Variants in IL18 observed in about 807,000 individuals in gnomAD.
IL18 encodes interleukin-18.
A neutral mutation model predicts 14.2 loss-of-function variants in IL18; 8 were observed. The ratio of observed to expected loss-of-function variants is 0.56; its 90% CI spans 0.33 to 1.01. The LOEUF is 1.01. IL18 is among the 50% of genes least tolerant of loss of function. The probability of loss-of-function intolerance (pLI) is 0.03; values close to 1 mark genes in which losing one functional copy is unlikely to be tolerated. For synonymous variants in IL18, 67 were observed against 71.0 expected, an observed-to-expected ratio of 0.94 and a Z score of 0.28; for missense variants, 166 against 231.1, an observed-to-expected ratio of 0.72 and a Z score of 1.83.
chr11:112,156,307 C>T (rs1029907031), intron 1 of IL18, among the ~76,000 whole-genome samples: 27 of 152,248 alleles, frequency 1.8e-4, no homozygotes, highest in African/African-American at 6.5e-4. Flanking sequence ...TAATTTTGGC[C>T]TCCCAAAGTG....
At chr11:112,149,251 C>G (rs1236828336) in intron 4 of IL18, among the ~76,000 whole-genome samples, 5 of 151,956 alleles carry the variant, frequency 3.3e-5, no homozygotes, top group Non-Finnish European at 7.4e-5. Flanking sequence ...GAGATCACAC[C>G]ACTGCACTGC....
At chr11:112,162,085 G>T (rs1190263555) in intron 1 of IL18, among the ~76,000 whole-genome samples, 1 of 152,162 alleles carries the variant, frequency 6.6e-6, no homozygotes, top group East Asian at 1.9e-4. Flanking sequence ...TGTTGAAGAG[G>T]TGAGAGTAGC....
intron 1 of IL18, among the ~76,000 whole-genome samples, chr11:112,157,851 CCTTTT>C (rs1372963415): frequency 2.0e-5 from 3 of 152,012 alleles, no homozygotes; most frequent in African/African-American, 4.8e-5. Flanking sequence ...TTCAAGGTTA[CCTTTT>C]CTTTTCTTTT....
intron 1 of IL18, among the ~76,000 whole-genome samples, chr11:112,156,817 A>G (rs1210280068): frequency 6.6e-6 from 1 of 151,484 alleles, no homozygotes; most frequent in Non-Finnish European, 1.5e-5. Flanking sequence ...TAAAATTTAA[A>G]TATTTATCAA....
Position 112,143,578 on chromosome 11 carries a change from G to A in IL18, c.*18C>T, listed in dbSNP as rs768555860. 1.7e-5 allele frequency: 27 copies of A among 1,554,898 alleles called. No individual in the cohort carries two copies. Among genetic ancestry groups the A allele is most frequent in the South Asian group, 6.8e-5 (6 of 88,346 alleles). On this transcript the variant is annotated 3_prime_UTR_variant, in exon 6 of 6. Coordinates refer to ENST00000280357, the MANE Select transcript of IL18 (RefSeq NM_001562.4). ...ATTACAGGCGTGAGCCACTGCGCCC[G>A]GCATGAAATTTTAATAGCTAGTCTT... is the stretch of plus-strand genomic sequence containing the variant.
chr11:112,155,029 T>C lies in IL18; in HGVS notation c.25A>G (p.Asn9Asp). 1 of 1,612,766 alleles carries C rather than the reference T, an allele frequency of 6.2e-7. No homozygotes were observed. Among genetic ancestry groups the C allele is most frequent in the South Asian group, 1.1e-5 (1 of 91,050 alleles). The change falls in exon 2 of 6, where the codon AAT (asparagine) becomes GAT (aspartate). Residue 9 changes from asparagine (N) to aspartate (D), a missense_variant. Coordinates refer to ENST00000280357, the MANE Select transcript of IL18 (RefSeq NM_001562.4). ...TTCATTGCCACAAAGTTGATGCAAT[T>C]GTCTTCTACTGGTTCAGCAGCCATC... MAAEPVEDNCINFVAMKFI... is the reference protein window; with the variant it reads MAAEPVEDDCINFVAMKFI...
chr11:112,158,707 TAA>T (rs1422665248), intron 1 of IL18, among the ~76,000 whole-genome samples: 1 of 152,176 alleles, frequency 6.6e-6, no homozygotes, highest in African/African-American at 2.4e-5. Context: ...CTACCAAGTA[TAA>T]GAGACACTTG....
chr11:112,144,130 C>T (rs1196741994), intron 5 of IL18, among the ~76,000 whole-genome samples: 4 of 152,184 alleles, frequency 2.6e-5, no homozygotes, highest in Non-Finnish European at 5.9e-5. Context: ...CCAGCAAAGA[C>T]CACAAGCTTT....
chr11:112,162,501 A>T (rs1273434348), intron 1 of IL18, among the ~76,000 whole-genome samples: 1 of 151,970 alleles, frequency 6.6e-6, no homozygotes, highest in Admixed American at 6.6e-5. Flanking sequence ...ATACTACCAC[A>T]TCTGGCTAAT....
At position 112,163,244 on chromosome 11, in the gene IL18, G is replaced by C. The variant is rs906675701; in HGVS notation, c.-9+662C>G. Among the ~76,000 whole-genome samples, 7 of 152,202 alleles carry C rather than the reference G, an allele frequency of 4.6e-5. No individual in the cohort carries two copies. The South Asian group carries it at 1.4e-3, about 31-fold the overall frequency. On this transcript the variant is annotated intron_variant, in intron 1 of 5. Transcript: ENST00000280357. The stretch of plus-strand genomic sequence containing the variant: ...TCCAATTGTAGCCCAGTCCAAAGGT[G>C]TGGCAGATTTCACAAGATGACTAAC...
chr11:112,143,517 G>T lies in IL18; in HGVS notation c.*79C>A. 2.3e-6 allele frequency: 2 copies of T among 870,004 alleles called. No individual in the cohort carries two copies. Among genetic ancestry groups the T allele is most frequent in the South Asian group, 3.2e-5 (2 of 63,110 alleles). 53.9% of individuals were successfully genotyped at this position (870,004 alleles called of 1,614,324 possible). A position where few individuals can be genotyped will look rare whatever the true frequency, so the allele number is the denominator to read the frequency against. On this transcript the variant is annotated 3_prime_UTR_variant, in exon 6 of 6. Coordinates refer to ENST00000280357, the MANE Select transcript of IL18 (RefSeq NM_001562.4). Reference sequence around the variant, plus strand: ...GGCTGGTCTTGAACACCTGACCTCTGGTGATCTGCCCGCCTCAGCCTCCCA... The same window carrying T: ...GGCTGGTCTTGAACACCTGACCTCTTGTGATCTGCCCGCCTCAGCCTCCCA...
chr11:112,163,213 A>T (rs1339902132), intron 1 of IL18, among the ~76,000 whole-genome samples: 4 of 152,194 alleles, frequency 2.6e-5, no homozygotes, highest in Non-Finnish European at 5.9e-5. Context: ...GGGGAATGCT[A>T]TATTATCCAA....
Position 112,148,656 on chromosome 11 carries a change from TC to T in IL18, c.306del (p.Lys103SerfsTer20). ...QPRGMAVTIS[V>X]KCEKISTLSC... The stretch of plus-strand genomic sequence containing the variant: ...GAGAGAGTTGAAATTTTCTCACACT[TC>T]ACAGAGATAGTTACAGCCATACCTC... On this transcript the variant is annotated frameshift_variant, in exon 5 of 6. Transcript: ENST00000280357. LOFTEE classifies it high-confidence loss of function. 6.6e-7 allele frequency: 1 copy of T among 1,519,450 alleles called. No homozygotes were observed. Among genetic ancestry groups the T allele is most frequent in the Non-Finnish European group, 8.9e-7 (1 of 1,127,600 alleles). 94.1% of individuals were successfully genotyped at this position (1,519,450 alleles called of 1,614,324 possible).
chr11:112,157,373 G>A lies in IL18; in HGVS notation c.-8-2312C>T, dbSNP rs536492565. On this transcript the variant is annotated intron_variant, in intron 1 of 5. Coordinates refer to ENST00000280357, the MANE Select transcript of IL18 (RefSeq NM_001562.4). ...TTGAGTACATAGTTAGTCAATGAGT[G>A]AATGGATTTAGAGAAGGACAATATT... Among the ~76,000 whole-genome samples, 21 of 152,300 alleles carry A rather than the reference G, an allele frequency of 1.4e-4. No homozygotes were observed. In the East Asian group the frequency reaches 4.0e-3, roughly 29 times the overall value.
intron 5 of IL18, among the ~76,000 whole-genome samples, chr11:112,147,071 C>T (rs1038043009): frequency 1.3e-5 from 2 of 151,920 alleles, no homozygotes; most frequent in African/African-American, 4.8e-5. Flanking sequence ...GCTGGGATTA[C>T]AGGCATATGC....
chr11:112,150,278 A>G (rs199887794), intron 3 of IL18, 72 bp from the exon 4 acceptor site: 36 of 1,057,010 alleles, frequency 3.4e-5, no homozygotes, highest in Non-Finnish European at 4.6e-5. Flanking sequence ...TATGCTATAT[A>G]TTTTAGTTTT....
chr11:112,150,197 T>C lies in IL18; in HGVS notation c.101A>G (p.Glu34Gly). ...YFIAEDDENLESDYFGKLESK... is the reference protein window; with the variant it reads ...YFIAEDDENLGSDYFGKLESK... ...TTCAAGCTTGCCAAAGTAATCTGAT[T>C]CCAGGTTTTCTACAATAAACATTAA... is the stretch of plus-strand genomic sequence containing the variant. The change falls in exon 4 of 6, where the codon GAA (glutamate) becomes GGA (glycine). Residue 34 changes from glutamate (E) to glycine (G), a missense_variant. By Grantham distance (98) the Glu-to-Gly change is moderately conservative. Transcript: ENST00000280357. 1 of 1,549,914 alleles carries C rather than the reference T, an allele frequency of 6.5e-7. No individual in the cohort carries two copies. Among genetic ancestry groups the C allele is most frequent in the Non-Finnish European group, 8.9e-7 (1 of 1,127,332 alleles).
At chr11:112,144,836 A>T (rs753924157) in intron 5 of IL18, among the ~76,000 whole-genome samples, 15 of 152,200 alleles carry the variant, frequency 9.9e-5, no homozygotes, top group Non-Finnish European at 2.2e-4. Flanking sequence ...AGATTCTTGT[A>T]TGTTTCAGTC....
At chr11:112,159,597 A>C (rs755368833) in intron 1 of IL18, among the ~76,000 whole-genome samples, 11 of 152,224 alleles carry the variant, frequency 7.2e-5, no homozygotes, top group Non-Finnish European at 1.3e-4. Flanking sequence ...TCATTAAGAA[A>C]AAAGAACGAA....
Sources: gnomAD v4.1 joint callset for allele counts (sites outside exome capture counted in the v4.1 genomes callset) on GRCh38, gnomAD v4.1.1 for gene constraint, MANE v1.5 for transcripts, NCBI Gene and HGNC (gene_info 2026-07-23, HGNC 2026-07-21) for gene names.